C1R: variants seen among roughly 807,000 people sequenced by gnomAD.
The protein encoded by C1R is complement C1r subcomponent.
C1R carries 15 observed loss-of-function variants against 27.6 expected under a neutral mutation model. The observed-to-expected ratio is 0.54, with a 90% CI of 0.36 to 0.84. The LOEUF is 0.84. Among genes scored for constraint, C1R ranks in the 40% least tolerant of loss-of-function variants. The probability of loss-of-function intolerance (pLI) is 0.01; values close to 1 mark genes in which losing one functional copy is unlikely to be tolerated. For synonymous variants in C1R, 253 were observed against 228.8 expected, an observed-to-expected ratio of 1.11 and a Z score of -0.95; for missense variants, 544 against 577.9, an observed-to-expected ratio of 0.94 and a Z score of 0.60.
In C1R at chr12:7,086,368, T is replaced by C. The variant is rs1591588994; in HGVS notation, c.1117+11A>G. On this transcript the variant is annotated intron_variant, in intron 8 of 10. Transcript: ENST00000647956. ...AGGTCCCCAGGGTCATATCCCTGAA[T>C]TGTGACTTACTCTTGCATCTGGGCA... The C allele has an allele frequency of 5.0e-6, 2 of 398,650 alleles. No individual in the cohort carries two copies. Among genetic ancestry groups the C allele is most frequent in the East Asian group, 7.1e-5 (2 of 28,080 alleles). 24.7% of individuals were successfully genotyped at this position (398,650 alleles called of 1,614,324 possible).
Position 7,088,610 on chromosome 12 carries a change from C to A in C1R, c.1038G>T (p.Glu346Asp), listed in dbSNP as rs776587148. Reference sequence around the variant, plus strand: ...TCTCCCCTCAGCCCTGGGCTCTTACCTCTATGAGCTGGTAGCCTTGCTTGC... The same window carrying A: ...TCTCCCCTCAGCCCTGGGCTCTTACATCTATGAGCTGGTAGCCTTGCTTGC... ...ATCKQGYQLI[E>D]GNQVLHSFTA... The change falls in exon 7 of 11, where the codon GAG (glutamate) becomes GAT (aspartate). Residue 346 changes from glutamate to aspartate, a missense_variant and splice_region_variant. By Grantham distance (45) the Glu-to-Asp change is conservative. Coordinates refer to ENST00000647956, the MANE Select transcript of C1R (RefSeq NM_001733.7). 9.7e-6 allele frequency: 7 copies of A among 721,980 alleles called. No homozygotes were observed. The South Asian group carries it at 1.0e-4, about 11-fold the overall frequency. The allele number at this position is 721,980 out of a possible 1,614,324, so 44.7% of individuals were successfully genotyped here. A position where few individuals can be genotyped will look rare whatever the true frequency, so the allele number is the denominator to read the frequency against.
At chr12:7,090,390 GC>G (rs1214749855) in intron 2 of C1R, 142 bp from the exon 3 acceptor site, 1 of 605,786 alleles carries the variant, frequency 1.7e-6, no homozygotes, top group African/African-American at 1.9e-5. Flanking sequence ...GCTGGGCTCA[GC>G]TGCTGCAAAC....
chr12:7,089,510 G>T (rs750747014), intron 4 of C1R, 21 bp from the exon 5 acceptor site: 1 of 778,836 alleles, frequency 1.3e-6, no homozygotes, highest in South Asian at 1.3e-5. Flanking sequence ...AGAGCCACAG[G>T]GCATTACGGG....
chr12:7,092,310 T>C, intron 1 of C1R, 77 bp downstream of exon 1: 1 of 779,656 alleles, frequency 1.3e-6, no homozygotes, highest in Non-Finnish European at 2.4e-6. Context: ...TGTTCCTGTC[T>C]CCCTGAATTG....
Position 7,080,389 on chromosome 12 carries a change from AC to A in C1R, c.*142del. The A allele has an allele frequency of 7.1e-7, 1 of 1,412,920 alleles. No homozygotes were observed. The highest frequency in any genetic ancestry group is 9.2e-7 in the Non-Finnish European group (1 of 1,086,606). 87.5% of individuals were successfully genotyped at this position (1,412,920 alleles called of 1,614,324 possible). ...TCAGGTAAAGTACATCAATGGGACT[AC>A]AGGAAAGAGAATTTCACACACGGTC... On this transcript the variant is annotated 3_prime_UTR_variant, in exon 11 of 11. Coordinates refer to ENST00000647956, the MANE Select transcript of C1R (RefSeq NM_001733.7). This position sits in a 1 kb window ranked among gnomAD's most constrained non-coding sequence, Gnocchi z 4.9.
At position 7,080,287 on chromosome 12, in the gene C1R, A is replaced by T. The variant is rs1295154478; in HGVS notation, c.*245T>A. 8.4e-7 allele frequency: 1 copy of T among 1,196,028 alleles called. No homozygotes were observed. Among genetic ancestry groups the T allele is most frequent in the Non-Finnish European group, 1.0e-6 (1 of 964,162 alleles). 74.1% of individuals were successfully genotyped at this position (1,196,028 alleles called of 1,614,324 possible). On this transcript the variant is annotated 3_prime_UTR_variant, in exon 11 of 11. Transcript: ENST00000647956. The surrounding 1 kb of genome is among the most constrained non-coding windows in gnomAD (Gnocchi z 4.9). Reference sequence around the variant, plus strand: ...TGACCCAATGGTATCAAAGTGGAAGAGGAAAGTGACAACTAGAGATTGATA... The same window carrying T: ...TGACCCAATGGTATCAAAGTGGAAGTGGAAAGTGACAACTAGAGATTGATA...
At position 7,080,651 on chromosome 12, in the gene C1R, G is replaced by C; in HGVS notation, c.1999C>G (p.Arg667Gly). 1 of 1,613,844 alleles carries C rather than the reference G, an allele frequency of 6.2e-7. No homozygotes were observed. The highest frequency in any genetic ancestry group is 8.5e-7 in the Non-Finnish European group (1 of 1,179,858). ...GACACGATGCCCGTGGCCACCCAGC[G>C]ATCAGTGTTCGGGTCCCTTACTGCA... ...VFAVRDPNTD[R>G]WVATGIVSWG... The change falls in exon 11 of 11, where the codon CGC (arginine) becomes GGC (glycine). Residue 667 changes from arginine (R) to glycine (G), a missense_variant. Transcript: ENST00000647956. This position sits in a 1 kb window ranked among gnomAD's most constrained non-coding sequence, Gnocchi z 4.9.
In C1R at chr12:7,092,399, C is replaced by A; in HGVS notation, c.-11G>T. 1.3e-6 allele frequency: 1 copy of A among 780,850 alleles called. No homozygotes were observed. Among genetic ancestry groups the A allele is most frequent in the Non-Finnish European group, 2.4e-6 (1 of 417,980 alleles). The allele number at this position is 780,850 out of a possible 1,614,324, so 48.4% of individuals were successfully genotyped here. ...CACCCTTACTCACATTTCTCAAGGC[C>A]CGTGTTGAATCCTGGGCTCTCCCGA... On this transcript the variant is annotated 5_prime_UTR_variant, in exon 1 of 11. Coordinates refer to ENST00000647956, the MANE Select transcript of C1R (RefSeq NM_001733.7).
chr12:7,085,406 ATGG>A (rs1938138980), intron 9 of C1R, among the ~76,000 whole-genome samples: 2 of 144,428 alleles, frequency 1.4e-5, no homozygotes, highest in East Asian at 2.1e-4. Context: ...GGTGTTAGTA[ATGG>A]TGGTGGTGAT....
chr12:7,082,710 A>C (rs1426360546), intron 9 of C1R, among the ~76,000 whole-genome samples: 1 of 152,176 alleles, frequency 6.6e-6, no homozygotes, highest in African/African-American at 2.4e-5. Context: ...GAATATATCA[A>C]AATCTTATCA....
At position 7,086,032 on chromosome 12, in the gene C1R, G is replaced by C. The variant is rs1257063793; in HGVS notation, c.1118-16C>G. On this transcript the variant is annotated splice_polypyrimidine_tract_variant and intron_variant, in intron 8 of 10. Coordinates refer to ENST00000647956, the MANE Select transcript of C1R (RefSeq NM_001733.7). Reference sequence around the variant, plus strand: ...CAGTCCTTGACTTGGAGAGAACACAGGGCAGGGTGAGAGCTGAGAATGACT... The same window carrying C: ...CAGTCCTTGACTTGGAGAGAACACACGGCAGGGTGAGAGCTGAGAATGACT... The C allele has an allele frequency of 1.5e-5, 6 of 398,722 alleles. No individual in the cohort carries two copies. Among genetic ancestry groups the C allele is most frequent in the Non-Finnish European group, 2.7e-5 (6 of 226,138 alleles). The allele number at this position is 398,722 out of a possible 1,614,324, so 24.7% of individuals were successfully genotyped here. A position where few individuals can be genotyped will look rare whatever the true frequency, so the allele number is the denominator to read the frequency against.
chr12:7,089,922 T>A, intron 3 of C1R, 134 bp downstream of exon 3: 1 of 702,090 alleles, frequency 1.4e-6, no homozygotes, highest in Non-Finnish European at 2.7e-6. Context: ...CAGGCCTCGT[T>A]AGGAAAAGCT....
At position 7,091,304 on chromosome 12, in the gene C1R, A is replaced by G; in HGVS notation, c.231+148T>C. On this transcript the variant is annotated intron_variant, in intron 2 of 10. Coordinates refer to ENST00000647956, the MANE Select transcript of C1R (RefSeq NM_001733.7). This position sits in a 1 kb window ranked among gnomAD's most constrained non-coding sequence, Gnocchi z 5.1. ...AGGGCCTCTACACCAGTGAGCGCCC[A>G]TCCAGGGCATCCCCGGGCTCTCAGA... 1.6e-6 allele frequency: 1 copy of G among 637,222 alleles called. No individual in the cohort carries two copies. Among genetic ancestry groups the G allele is most frequent in the Non-Finnish European group, 2.8e-6 (1 of 359,562 alleles). The allele number at this position is 637,222 out of a possible 1,614,324, so 39.5% of individuals were successfully genotyped here.
Position 7,080,528 on chromosome 12 carries a change from G to T in C1R, c.*4C>A. ...TCTGGATTCGAACCTAGTGAATTCTGGGCTCAGTCCTCCTCCTCCATCTCT... is the reference window on the plus strand; with the variant it reads ...TCTGGATTCGAACCTAGTGAATTCTTGGCTCAGTCCTCCTCCTCCATCTCT... On this transcript the variant is annotated 3_prime_UTR_variant, in exon 11 of 11. Transcript: ENST00000647956. This position sits in a 1 kb window ranked among gnomAD's most constrained non-coding sequence, Gnocchi z 4.9. 6.5e-7 allele frequency: 1 copy of T among 1,538,788 alleles called. No individual in the cohort carries two copies. The highest frequency in any genetic ancestry group is 8.8e-7 in the Non-Finnish European group (1 of 1,142,396).
chr12:7,090,768 C>T (rs1938257333), intron 2 of C1R, among the ~76,000 whole-genome samples: 1 of 152,224 alleles, frequency 6.6e-6, no homozygotes, highest in Non-Finnish European at 1.5e-5. Flanking sequence ...TTCCTTCCTC[C>T]TCACAGCCTC....
At position 7,088,663 on chromosome 12, in the gene C1R, G is replaced by A; in HGVS notation, c.985C>T (p.Gln329Ter). Residue 329 changes from glutamine to a stop codon, truncating the protein, a stop_gained, in exon 7 of 11, where the codon CAG becomes TAG. Transcript: ENST00000647956. LOFTEE classifies it high-confidence loss of function. ...GTAGCAATGAAGTAGTCACGGAACTGGTACTGAGGCTGCAGGTTCTGGATG... is the reference window on the plus strand; with the variant it reads ...GTAGCAATGAAGTAGTCACGGAACTAGTACTGAGGCTGCAGGTTCTGGATG... ...TIIQNLQPQY[Q>*]FRDYFIATCK... 1.3e-6 allele frequency: 1 copy of A among 758,652 alleles called. No homozygotes were observed. The highest frequency in any genetic ancestry group is 2.5e-6 in the Non-Finnish European group (1 of 406,796). The allele number at this position is 758,652 out of a possible 1,614,324, so 47.0% of individuals were successfully genotyped here.
rs1175804231 is a variant in C1R at position 7,082,035 on chromosome 12, G to A, written c.1345C>T (p.Pro449Ser). The A allele has an allele frequency of 6.5e-7, 1 of 1,536,912 alleles. No individual in the cohort carries two copies. The highest frequency in any genetic ancestry group is 8.7e-7 in the Non-Finnish European group (1 of 1,146,676). Residue 449 changes from proline (P) to serine (S), a missense_variant, in exon 10 of 11, where the codon CCA becomes TCA. Pro to Ser is a moderately conservative substitution (Grantham distance 74, BLOSUM62 -1). Around this residue, in one of 2 missense-constraint regions of C1R, gnomAD observed 253 missense variants for 368.9 expected, o/e 0.69. Transcript: ENST00000647956. Reference sequence around the variant, plus strand: ...GCCCCAGAGGGTTTCCACTCACCTGGCAAGCACCGAGGAATCTTCTCTCCC... The same window carrying A: ...GCCCCAGAGGGTTTCCACTCACCTGACAAGCACCGAGGAATCTTCTCTCCC... ...QKGEKIPRCL[P>S]VCGKPVNPVE...
chr12:7,086,315 GGCCC>G (rs1262214154), intron 8 of C1R, 60 bp downstream of exon 8: 27 of 398,206 alleles, frequency 6.8e-5, no homozygotes, highest in South Asian at 1.3e-4. Flanking sequence ...TTTCTTTCTT[GGCCC>G]AGGTCCTCAA....
In C1R at chr12:7,080,616, G is replaced by A. The variant is rs910674306; in HGVS notation, c.2034C>T (p.Ile678=). The part of the protein sequence containing the change: ...WVATGIVSWG[I]GCSRGYGFYT... The stretch of plus-strand genomic sequence containing the variant: ...AGAAGCCATAGCCCCTGCTGCACCC[G>A]ATGCCCCAGGACACGATGCCCGTGG... The change falls in exon 11 of 11, where the codon ATC becomes ATT. Residue 678 remains isoleucine (I), a synonymous_variant. Coordinates refer to ENST00000647956, the MANE Select transcript of C1R (RefSeq NM_001733.7). This position sits in a 1 kb window ranked among gnomAD's most constrained non-coding sequence, Gnocchi z 4.9. 7 of 1,613,496 alleles carry A rather than the reference G, an allele frequency of 4.3e-6. No individual in the cohort carries two copies. Among genetic ancestry groups the A allele is most frequent in the African/African-American group, 1.3e-5 (1 of 74,990 alleles).
Sources: allele counts gnomAD v4.1 joint callset (sites outside exome capture counted in the v4.1 genomes callset), GRCh38; gene constraint gnomAD v4.1.1; regional missense constraint gnomAD v4.1.1; non-coding constraint Gnocchi (gnomAD v3.1); transcripts MANE v1.5; gene names NCBI Gene and HGNC (gene_info 2026-07-23, HGNC 2026-07-21).